Variants in GPLD1 observed in about 807,000 individuals in gnomAD.
GPLD1 encodes the protein phosphatidylinositol-glycan-specific phospholipase D.
In GPLD1, 84 loss-of-function variants were observed where a neutral mutation model predicts 112.6. That is an observed-to-expected ratio of 0.75 (90% CI 0.63 to 0.89). GPLD1 has a LOEUF of 0.89. Among genes scored for constraint, GPLD1 ranks in the 40% least tolerant of loss-of-function variants. The pLI, the probability that GPLD1 is intolerant of heterozygous loss-of-function variation, is 0.00. For synonymous variants in GPLD1, 386 were observed against 403.8 expected (o/e 0.96, Z 0.53); for missense variants, 1,044 against 1,051.5 (o/e 0.99, Z 0.10).
Position 24,476,237 on chromosome 6 carries a change from A to T in GPLD1, c.274T>A (p.Phe92Ile). 1 of 1,575,878 alleles carries T rather than the reference A, an allele frequency of 6.3e-7. No homozygotes were observed. The highest frequency in any genetic ancestry group is 8.6e-7 in the Non-Finnish European group (1 of 1,156,208). The change falls in exon 4 of 25, where the codon TTT becomes ATT. Residue 92 changes from phenylalanine (F) to isoleucine (I), a missense_variant. By Grantham distance (21) the Phe-to-Ile change is conservative. Transcript: ENST00000230036. ...ATATAATGAACGCTTGCATTAAGAA[A>T]CGGAGTCCAGTGAGTGCTCTCAGAC... ...DVSESTHWTPFLNASVHYIRE... is the reference protein window; with the variant it reads ...DVSESTHWTPILNASVHYIRE...
chr6:24,448,254 C>T (rs1351491924), intron 15 of GPLD1, 46 bp from the exon 16 acceptor site: 1 of 1,271,588 alleles, frequency 7.9e-7, no homozygotes, highest in Non-Finnish European at 1.1e-6. Flanking sequence ...CTGGTGGTGA[C>T]CCAAGAACCT....
At chr6:24,481,034 G>C (rs780322846) in intron 2 of GPLD1, among the ~76,000 whole-genome samples, 16 of 152,220 alleles carry the variant, frequency 1.1e-4, no homozygotes, top group Non-Finnish European at 2.1e-4. Flanking sequence ...CAATAGGTGA[G>C]GTGGTGGCTT....
At chr6:24,464,816 T>C (rs1763545572) in intron 10 of GPLD1, among the ~76,000 whole-genome samples, 2 of 152,188 alleles carry the variant, frequency 1.3e-5, no homozygotes, top group Non-Finnish European at 2.9e-5. Flanking sequence ...GGGGCTGCCC[T>C]GTGCTTCCTA....
chr6:24,464,697 T>A (rs1320410451), intron 10 of GPLD1, among the ~76,000 whole-genome samples: 3 of 152,254 alleles, frequency 2.0e-5, no homozygotes, highest in Admixed American at 1.3e-4. Context: ...AACTCTGCTA[T>A]GATCCTGACC....
At chr6:24,463,413 A>T (rs1763499920) in intron 10 of GPLD1, among the ~76,000 whole-genome samples, 1 of 152,190 alleles carries the variant, frequency 6.6e-6, no homozygotes, top group Non-Finnish European at 1.5e-5. Flanking sequence ...GGCTGGGGTA[A>T]TACAAAAGTA....
intron 13 of GPLD1, among the ~76,000 whole-genome samples, chr6:24,455,470 A>T (rs1763236404): frequency 6.6e-6 from 1 of 152,228 alleles, no homozygotes; most frequent in African/African-American, 2.4e-5. Flanking sequence ...GCCTTCATCC[A>T]AACTTCCAGA....
rs1763630637 is a variant in GPLD1 at position 24,466,753 on chromosome 6, C to T, written c.748G>A (p.Gly250Arg). ...GACCAAAATGCCATATCATCCAGTCCTCCAAGAAAATACTCTTGGAATTGT... is the reference window on the plus strand; with the variant it reads ...GACCAAAATGCCATATCATCCAGTCTTCCAAGAAAATACTCTTGGAATTGT... ...VEQFQEYFLG[G>R]LDDMAFWSTN... is the part of the protein sequence containing the mutation. The change falls in exon 10 of 25, where the codon GGA becomes AGA. Residue 250 changes from glycine to arginine, a missense_variant. Transcript: ENST00000230036. 6.2e-7 allele frequency: 1 copy of T among 1,609,480 alleles called. No individual in the cohort carries two copies. Among genetic ancestry groups the T allele is most frequent in the Non-Finnish European group, 8.5e-7 (1 of 1,175,956 alleles).
At chr6:24,453,885 C>A in intron 14 of GPLD1, 130 bp downstream of exon 14, 2 of 655,468 alleles carry the variant, frequency 3.1e-6, no homozygotes, top group Non-Finnish European at 5.4e-6. Flanking sequence ...AAGTGCTTCA[C>A]AAATGTACAC....
chr6:24,434,180 T>C (rs947339562), intron 22 of GPLD1, among the ~76,000 whole-genome samples: 2 of 151,838 alleles, frequency 1.3e-5, no homozygotes, highest in African/African-American at 2.4e-5. Context: ...GGCGGATCAC[T>C]GGAGGTCAGG....
rs1345115197 is a variant in GPLD1, at chr6:24,445,801, C to T, written c.1851G>A (p.Glu617=). The change falls in exon 19 of 25, where the codon GAG becomes GAA. Residue 617 remains glutamate, a synonymous_variant. Coordinates refer to ENST00000230036, the MANE Select transcript of GPLD1 (RefSeq NM_001503.4). The part of the protein sequence containing the change: ...RLGHLLHIRD[E]KKSLGRVYGY... ...CATACACCCTCCCAAGGCTCTTTTT[C>T]TCATCTCGGATGTGTAACAAATGGC... 2.5e-6 allele frequency: 4 copies of T among 1,613,582 alleles called. No individual in the cohort carries two copies. Among genetic ancestry groups the T allele is most frequent in the Non-Finnish European group, 3.4e-6 (4 of 1,179,776 alleles).
intron 3 of GPLD1, 62 bp from the exon 4 acceptor site, chr6:24,476,340 C>T (rs1043482707): frequency 2.5e-6 from 2 of 809,852 alleles, no homozygotes; most frequent in South Asian, 2.9e-5. Flanking sequence ...TCAATCAAAT[C>T]TTCCACACCA....
At chr6:24,492,435 G>A (rs1438930720), upstream of GPLD1, among the ~76,000 whole-genome samples, 1 of 150,130 alleles carries the variant, frequency 6.7e-6, no homozygotes, top group African/African-American at 2.5e-5. Context: ...GAACCCAGGA[G>A]GCAGACGTTG....
In GPLD1 at chr6:24,475,110, G is replaced by T. The variant is rs755340649; in HGVS notation, c.441+11C>A. The T allele has an allele frequency of 3.3e-5, 43 of 1,322,102 alleles. No homozygotes were observed. Among genetic ancestry groups the T allele is most frequent in the Middle Eastern group, 1.8e-4 (1 of 5,542 alleles). The allele number at this position is 1,322,102 out of a possible 1,614,324, so 81.9% of individuals were successfully genotyped here. On this transcript the variant is annotated intron_variant, in intron 5 of 24. Coordinates refer to ENST00000230036, the MANE Select transcript of GPLD1 (RefSeq NM_001503.4). ...CCCATAAAGTCATTCCCCATAAAGG[G>T]ATGTACTCACAGCTCCCATGGTCCT...
At chr6:24,487,507 C>T (rs972024789) in intron 1 of GPLD1, among the ~76,000 whole-genome samples, 3 of 137,056 alleles carry the variant, frequency 2.2e-5, no homozygotes, top group Non-Finnish European at 5.0e-5. Context: ...ATTAAAATTT[C>T]AGATGCAATC....
intron 7 of GPLD1, among the ~76,000 whole-genome samples, chr6:24,467,721 A>C (rs1763664208): frequency 6.6e-6 from 1 of 152,202 alleles, no homozygotes; most frequent in Non-Finnish European, 1.5e-5. Flanking sequence ...CTGACATCTT[A>C]ATTTCAGAGT....
In GPLD1 at chr6:24,453,877, G is replaced by A. The variant is rs1224098671; in HGVS notation, c.1335+138C>T. ...GTAAACATGCTTCTAAAACTAAAAA[G>A]TGCTTCACAAATGTACACCACCAGC... On this transcript the variant is annotated intron_variant, in intron 14 of 24. Transcript: ENST00000230036. 6 of 625,302 alleles carry A rather than the reference G, an allele frequency of 9.6e-6. No homozygotes were observed. The Admixed American group carries it at 1.1e-4, about 12-fold the overall frequency. The allele number at this position is 625,302 out of a possible 1,614,324, so 38.7% of individuals were successfully genotyped here.
chr6:24,493,965 T>C (rs114327789), upstream of GPLD1, among the ~76,000 whole-genome samples: 1,588 of 152,366 alleles, frequency 0.01, 26 homozygotes, highest in African/African-American at 0.035. Context: ...ATTTTTATCC[T>C]CATTAGGTTT....
intron 20 of GPLD1, among the ~76,000 whole-genome samples, chr6:24,439,900 A>C (rs1010562945): frequency 6.6e-6 from 1 of 152,216 alleles, no homozygotes; most frequent in African/African-American, 2.4e-5. Flanking sequence ...AAGGACCATT[A>C]TCTTTTAGAC....
chr6:24,452,619 T>C (rs566863714), intron 14 of GPLD1, among the ~76,000 whole-genome samples: 17 of 152,054 alleles, frequency 1.1e-4, no homozygotes, highest in Non-Finnish European at 2.5e-4. Context: ...CTACTAAAAA[T>C]ACAAAAATTA....
Sources: allele counts gnomAD v4.1 joint callset (sites outside exome capture counted in the v4.1 genomes callset), GRCh38; gene constraint gnomAD v4.1.1; transcripts MANE v1.5; gene names NCBI Gene and HGNC (gene_info 2026-07-23, HGNC 2026-07-21).